Variants in VEPH1 observed in about 807,000 individuals in gnomAD.
VEPH1 encodes ventricular zone expressed PH domain containing 1, also known as ventricular zone-expressed PH domain-containing protein homolog 1.
Under a neutral mutation model 85.2 loss-of-function variants are expected in VEPH1, and 80 were observed. The ratio of observed to expected loss-of-function variants is 0.94; its 90% CI spans 0.78 to 1.13. The LOEUF is 1.13. VEPH1 is among the 50% of genes most tolerant of loss of function. VEPH1 has a pLI of 0.00. For missense variants in VEPH1, 955 were observed against 980.5 expected (o/e 0.97, Z 0.35); for synonymous variants, 297 against 348.0 (o/e 0.85, Z 1.63).
At chr3:157,261,508 G>A (rs753858177) in intron 13 of VEPH1, 138 bp from the exon 14 acceptor site, 16 of 1,363,924 alleles carry the variant, frequency 1.2e-5, no homozygotes, top group African/African-American at 8.7e-5. Flanking sequence ...TGGGTGCTAA[G>A]GCCTCAGAAT....
intron 6 of VEPH1, among the ~76,000 whole-genome samples, chr3:157,390,756 G>C (rs1456109): frequency 0.47 from 71,339 of 152,030 alleles, 17,037 homozygotes; most frequent in Admixed American, 0.59. Flanking sequence ...TTTCTGGCCA[G>C]CCCACCAAGC....
chr3:157,297,153 C>CT (rs1489658647), intron 11 of VEPH1, among the ~76,000 whole-genome samples: 1 of 152,106 alleles, frequency 6.6e-6, no homozygotes, highest in African/African-American at 2.4e-5. Flanking sequence ...TAAGAAGCTC[C>CT]TTTTTATGTG....
At chr3:157,261,405 C>T in intron 13 of VEPH1, 35 bp from the exon 14 acceptor site, 1 of 1,606,424 alleles carries the variant, frequency 6.2e-7, no homozygotes, top group Non-Finnish European at 8.5e-7. Context: ...CATGGGCTGG[C>T]TGTTACTGTA....
At chr3:157,308,082 A>G (rs1192428401) in intron 11 of VEPH1, among the ~76,000 whole-genome samples, 1 of 151,768 alleles carries the variant, frequency 6.6e-6, no homozygotes, top group African/African-American at 2.4e-5. Flanking sequence ...ATAAGTTCTA[A>G]AGGTTAGATT....
chr3:157,308,132 A>G (rs984831504), intron 11 of VEPH1, among the ~76,000 whole-genome samples: 1 of 151,682 alleles, frequency 6.6e-6, no homozygotes, highest in Non-Finnish European at 1.5e-5. Context: ...TTGTCTATAA[A>G]TAATTTCTCT....
chr3:157,496,788 C>G (rs1000341581), intron 1 of VEPH1, among the ~76,000 whole-genome samples: 1 of 152,170 alleles, frequency 6.6e-6, no homozygotes, highest in African/African-American at 2.4e-5. Flanking sequence ...TCATTACACA[C>G]TCAACTAAAT....
chr3:157,437,100 C>T (rs1484927447), intron 4 of VEPH1: 3 of 1,605,744 alleles, frequency 1.9e-6, no homozygotes, highest in Non-Finnish European at 2.6e-6. Context: ...CTAACCCTGA[C>T]TACATATCCA....
At chr3:157,437,756 G>A in intron 4 of VEPH1, 1 of 1,489,266 alleles carries the variant, frequency 6.7e-7, no homozygotes, top group South Asian at 1.3e-5. Context: ...CAGGCGACCC[G>A]CGACGCGGGC....
chr3:157,443,088 G>A (rs1053329136), intron 4 of VEPH1: 1 of 1,293,930 alleles, frequency 7.7e-7, no homozygotes, highest in African/African-American at 1.5e-5. Context: ...TGAGACTAAT[G>A]AAAGAGAGAG....
At chr3:157,344,875 A>T (rs146399729) in intron 9 of VEPH1, among the ~76,000 whole-genome samples, 5,614 of 152,262 alleles carry the variant, frequency 0.037, 152 homozygotes, top group South Asian at 0.11. Context: ...AATGCCACAC[A>T]TCTACAACCA....
At chr3:157,382,400 A>G (rs1034695078) in intron 6 of VEPH1, among the ~76,000 whole-genome samples, 1 of 152,238 alleles carries the variant, frequency 6.6e-6, no homozygotes, top group South Asian at 2.1e-4. Flanking sequence ...CTAATCTGAC[A>G]TGACTGGAAG....
chr3:157,350,355 A>G (rs879087141), intron 9 of VEPH1, among the ~76,000 whole-genome samples: 1 of 152,246 alleles, frequency 6.6e-6, no homozygotes, highest in South Asian at 2.1e-4. Context: ...CTTATCCTAT[A>G]CAAAAATCAA....
chr3:157,381,615 A>C (rs2108867506), intron 6 of VEPH1: 1 of 503,784 alleles, frequency 2.0e-6, no homozygotes, highest in Non-Finnish European at 3.6e-6. Context: ...GCTACTTGAG[A>C]GGCTGAGGCA....
At chr3:157,353,545 T>C (rs1725107872) in intron 9 of VEPH1, among the ~76,000 whole-genome samples, 1 of 152,072 alleles carries the variant, frequency 6.6e-6, no homozygotes, top group South Asian at 2.1e-4. Context: ...GGATTACAGA[T>C]GTGAGCCACT....
chr3:157,385,619 C>T (rs998283718), intron 6 of VEPH1, among the ~76,000 whole-genome samples: 1 of 152,132 alleles, frequency 6.6e-6, no homozygotes, highest in African/African-American at 2.4e-5. Context: ...TAATAGATGA[C>T]ATCTATATTC....
rs140672359 is a variant in VEPH1, at chr3:157,291,697, G to C, written c.2011-5023C>G. On this transcript the variant is annotated intron_variant, in intron 11 of 13. Transcript: ENST00000362010. The stretch of plus-strand genomic sequence containing the variant: ...GGTGTGATGTTTTGGCTCTCAACTG[G>C]ATTAAAGCTCTTACCATGAAGACTG... Among the ~76,000 whole-genome samples the C allele has an allele frequency of 4.9e-4, 74 of 152,302 alleles. No individual in the cohort carries two copies. The East Asian group carries it at 0.014, about 28-fold the overall frequency.
At chr3:157,290,009 T>G (rs1344334427) in intron 11 of VEPH1, among the ~76,000 whole-genome samples, 1 of 150,450 alleles carries the variant, frequency 6.6e-6, no homozygotes, top group Admixed American at 6.6e-5. Context: ...GGGGATAGGA[T>G]ATCAATTCCG....
chr3:157,412,351 T>C (rs895081693), intron 6 of VEPH1, among the ~76,000 whole-genome samples: 1 of 152,176 alleles, frequency 6.6e-6, no homozygotes, highest in African/African-American at 2.4e-5. Context: ...TTTTCACAGA[T>C]TACATCTTCC....
chr3:157,470,458 T>C lies in VEPH1; in HGVS notation c.210A>G (p.Arg70=). ...CATGCTTTTCAATGGACTCGGTCTC[T>C]CTGATGGCTGTTGTGATTCTTGTGA... The part of the protein sequence containing the change: ...ICITRITTAI[R]ETESIEKHAK... The change falls in exon 3 of 14, where the codon AGA becomes AGG. Residue 70 remains arginine (R), a synonymous_variant. Transcript: ENST00000362010. 1 of 1,614,240 alleles carries C rather than the reference T, an allele frequency of 6.2e-7. No individual in the cohort carries two copies. The highest frequency in any genetic ancestry group is 8.5e-7 in the Non-Finnish European group (1 of 1,180,036).
Sources: gnomAD v4.1 joint callset for allele counts (sites outside exome capture counted in the v4.1 genomes callset) on GRCh38, gnomAD v4.1.1 for gene constraint, MANE v1.5 for transcripts, NCBI Gene and HGNC (gene_info 2026-07-23, HGNC 2026-07-21) for gene names.